LRFN5: variants seen among roughly 807,000 people sequenced by gnomAD.
The protein encoded by LRFN5 is leucine-rich repeat and fibronectin type-III domain-containing protein 5.
A neutral mutation model predicts 45.6 loss-of-function variants in LRFN5; 24 were observed. The observed-to-expected ratio is 0.53, with a 90% CI of 0.38 to 0.74. The LOEUF (loss-of-function observed/expected upper bound fraction) is 0.74. Among genes scored for constraint, LRFN5 ranks in the 30% least tolerant of loss-of-function variants. LRFN5 has a pLI of 0.00. For missense variants in LRFN5, 776 were observed against 861.5 expected (o/e 0.90, Z 1.24); for synonymous variants, 340 against 313.8 (o/e 1.08, Z -0.88).
chr14:41,781,038 A>G (rs1218914510), intron 2 of LRFN5, among the ~76,000 whole-genome samples: 1 of 152,162 alleles, frequency 6.6e-6, no homozygotes, highest in Non-Finnish European at 1.5e-5. Context: ...TTCAAACAAA[A>G]TATTATTACT....
chr14:41,879,861 G>A (rs1410175052), intron 2 of LRFN5, among the ~76,000 whole-genome samples: 1 of 148,338 alleles, frequency 6.7e-6, no homozygotes, highest in Non-Finnish European at 1.5e-5. Context: ...CTTCTCATTG[G>A]CAATTTTTGG....
intron 2 of LRFN5, among the ~76,000 whole-genome samples, chr14:41,854,689 A>G (rs1223880950): frequency 1.3e-5 from 2 of 152,128 alleles, no homozygotes; most frequent in African/African-American, 2.4e-5. Flanking sequence ...GAAGAAATTG[A>G]GCAAATGTAC....
intron 1 of LRFN5, among the ~76,000 whole-genome samples, chr14:41,710,779 CCCA>C (rs1246224499): frequency 6.6e-6 from 1 of 152,012 alleles, no homozygotes; most frequent in African/African-American, 2.4e-5. Context: ...GTCCCCCGAC[CCCA>C]CGACAGGCCC....
intron 1 of LRFN5, among the ~76,000 whole-genome samples, chr14:41,678,188 A>T (rs1881721621): frequency 6.6e-6 from 1 of 152,060 alleles, no homozygotes; most frequent in African/African-American, 2.4e-5. Flanking sequence ...GTTATTAGAA[A>T]TACTGAGGGA....
chr14:41,809,015 C>T (rs1490742405), intron 2 of LRFN5, among the ~76,000 whole-genome samples: 1 of 152,062 alleles, frequency 6.6e-6, no homozygotes, highest in East Asian at 1.9e-4. Context: ...AGAAATATGC[C>T]TGCTGTTGAA....
intron 1 of LRFN5, among the ~76,000 whole-genome samples, chr14:41,719,083 C>G (rs1031843219): frequency 7.9e-5 from 12 of 152,064 alleles, no homozygotes; most frequent in Non-Finnish European, 5.9e-5. Context: ...TGTGAACTGT[C>G]CTTTCTCTGG....
intron 2 of LRFN5, among the ~76,000 whole-genome samples, chr14:41,820,296 G>A (rs983237867): frequency 2.0e-5 from 3 of 151,792 alleles, no homozygotes; most frequent in African/African-American, 4.8e-5. Context: ...TTTAAATATG[G>A]TGAGAGATAT....
chr14:41,613,665 A>G (rs1335794132), intron 1 of LRFN5, among the ~76,000 whole-genome samples: 1 of 152,048 alleles, frequency 6.6e-6, no homozygotes, highest in Non-Finnish European at 1.5e-5. Flanking sequence ...GAAGTAATAC[A>G]ATAAATGATT....
intron 2 of LRFN5, among the ~76,000 whole-genome samples, chr14:41,823,078 T>A (rs1594441032): frequency 6.6e-6 from 1 of 151,814 alleles, no homozygotes; most frequent in East Asian, 1.9e-4. Context: ...TGAATCTTTT[T>A]TAAAAAAAAA....
chr14:41,822,385 T>C (rs557883581), intron 2 of LRFN5, among the ~76,000 whole-genome samples: 1 of 152,154 alleles, frequency 6.6e-6, no homozygotes, highest in South Asian at 2.1e-4. Flanking sequence ...AAAATTTTCT[T>C]CTTAATTTTG....
At chr14:41,877,962 A>G (rs983956364) in intron 2 of LRFN5, among the ~76,000 whole-genome samples, 18 of 152,118 alleles carry the variant, frequency 1.2e-4, no homozygotes, top group Admixed American at 7.9e-4. Context: ...AGTGACTGTT[A>G]TAATCAAATC....
intron 1 of LRFN5, among the ~76,000 whole-genome samples, chr14:41,735,775 A>C (rs1427821299): frequency 6.6e-6 from 1 of 151,422 alleles, no homozygotes; most frequent in Non-Finnish European, 1.5e-5. Flanking sequence ...CCCCTGACAG[A>C]CCCCAGCATG....
At chr14:41,825,462 A>G (rs545944670) in intron 2 of LRFN5, among the ~76,000 whole-genome samples, 1 of 152,290 alleles carries the variant, frequency 6.6e-6, no homozygotes, top group South Asian at 2.1e-4. Flanking sequence ...GAGAACATGC[A>G]TTCTGGATTT....
chr14:41,672,033 TA>T (rs1231479000), intron 1 of LRFN5, among the ~76,000 whole-genome samples: 9 of 152,226 alleles, frequency 5.9e-5, no homozygotes, highest in Non-Finnish European at 1.3e-4. Flanking sequence ...TATCTTTCCA[TA>T]AGCCAGAAGT....
intron 1 of LRFN5, among the ~76,000 whole-genome samples, chr14:41,634,606 A>G (rs79203711): frequency 1.8e-4 from 27 of 152,306 alleles, no homozygotes; most frequent in Middle Eastern, 3.4e-3. Flanking sequence ...GGTCCTGAAA[A>G]GTTGAAGTAT....
chr14:41,885,509 T>C (rs1369759162), intron 2 of LRFN5, among the ~76,000 whole-genome samples: 2 of 152,110 alleles, frequency 1.3e-5, no homozygotes, highest in African/African-American at 4.8e-5. Context: ...TAAATATACA[T>C]TCGTTAAGAT....
intron 1 of LRFN5, among the ~76,000 whole-genome samples, chr14:41,685,190 T>C (rs75704420): frequency 1.2e-3 from 179 of 152,230 alleles, no homozygotes; most frequent in African/African-American, 4.1e-3. Context: ...CTCCATATGC[T>C]GTTGTTGGGA....
intron 1 of LRFN5, among the ~76,000 whole-genome samples, chr14:41,725,751 G>C (rs1405129130): frequency 6.6e-6 from 1 of 152,138 alleles, no homozygotes; most frequent in Non-Finnish European, 1.5e-5. Context: ...ACTTCATGAA[G>C]TCTTTTAAGA....
intron 4 of LRFN5, among the ~76,000 whole-genome samples, chr14:41,895,204 A>G (rs1008414085): frequency 3.9e-5 from 6 of 152,212 alleles, no homozygotes; most frequent in African/African-American, 1.4e-4. Flanking sequence ...GTAGTGTCAT[A>G]AAGGGATAAT....
Sources: allele counts gnomAD v4.1 joint callset (sites outside exome capture counted in the v4.1 genomes callset), GRCh38; gene constraint gnomAD v4.1.1; transcripts MANE v1.5; gene names NCBI Gene and HGNC (gene_info 2026-07-23, HGNC 2026-07-21).